The following PTBP2 variants were observed in gnomAD, a reference collection of about 807,000 sequenced individuals.
PTBP2 encodes polypyrimidine tract-binding protein 2.
Under a neutral mutation model 61.4 loss-of-function variants are expected in PTBP2, and 13 were observed. The ratio of observed to expected loss-of-function variants is 0.21; its 90% CI spans 0.14 to 0.34. The LOEUF (loss-of-function observed/expected upper bound fraction) is 0.34. PTBP2 is among the 10% of genes least tolerant of loss of function. PTBP2 has a pLI of 1.00. For missense variants in PTBP2, 405 were observed against 642.6 expected (o/e 0.63, Z 4.00); for synonymous variants, 215 against 218.5 (o/e 0.98, Z 0.14).
intron 2 of PTBP2, among the ~76,000 whole-genome samples, chr1:96,742,835 GTCTC>G (rs772401492): frequency 3.5e-4 from 53 of 151,990 alleles, no homozygotes; most frequent in Non-Finnish European, 5.7e-4. Context: ...CAGAATGTGT[GTCTC>G]TCTATTAAAT....
intron 2 of PTBP2, among the ~76,000 whole-genome samples, chr1:96,740,831 A>C (rs895176358): frequency 1.3e-5 from 2 of 151,944 alleles, no homozygotes; most frequent in African/African-American, 4.8e-5. Flanking sequence ...TGATATATGA[A>C]TATATCATCT....
At chr1:96,728,815 A>ATT (rs368839720) in intron 2 of PTBP2, among the ~76,000 whole-genome samples, 35 of 110,188 alleles carry the variant, frequency 3.2e-4, no homozygotes, top group African/African-American at 8.5e-4. Flanking sequence ...TTCTTTAAGC[A>ATT]TTTTTTTTTT....
In PTBP2 at chr1:96,804,771, T is replaced by C. The variant is rs1326760769; in HGVS notation, c.905-29T>C. The C allele has an allele frequency of 1.9e-6, 3 of 1,580,526 alleles. No individual in the cohort carries two copies. In the South Asian group the frequency reaches 3.4e-5, roughly 18 times the overall value. Reference sequence around the variant, plus strand: ...TGTGTGTGTTTCGTAAAATATGCTTTATTTTAAAATTAGGGCTTCCTGTTG... The same window carrying C: ...TGTGTGTGTTTCGTAAAATATGCTTCATTTTAAAATTAGGGCTTCCTGTTG... On this transcript the variant is annotated intron_variant, in intron 8 of 13. Transcript: ENST00000674951.
chr1:96,762,435 G>C (rs1218044039), intron 3 of PTBP2, among the ~76,000 whole-genome samples: 8 of 145,804 alleles, frequency 5.5e-5, no homozygotes, highest in Non-Finnish European at 1.1e-4. Context: ...GCAGCTGGCC[G>C]GGCGGGGGGC....
Position 96,749,404 on chromosome 1 carries a change from G to A in PTBP2, c.40-2021G>A, listed in dbSNP as rs144901068. Among the ~76,000 whole-genome samples the A allele has an allele frequency of 3.8e-3, 581 of 152,222 alleles. 4 individuals are homozygous for A. The highest frequency in any genetic ancestry group is 0.014 in the African/African-American group (569 of 41,552). ...AAGTATATTTTTGAAAACTAGGAGA[G>A]TTAAAGTGTTTTTGTGAACTAAGGA... On this transcript the variant is annotated intron_variant, in intron 2 of 13. Transcript: ENST00000674951.
intron 8 of PTBP2, 84 bp from the exon 9 acceptor site, chr1:96,804,716 T>A (rs1453043772): frequency 4.4e-6 from 6 of 1,348,472 alleles, no homozygotes; most frequent in Non-Finnish European, 6.1e-6. Flanking sequence ...CATGCAGCCA[T>A]CGTGCTTAAA....
At chr1:96,816,934 T>C (rs1329532383), downstream of PTBP2, 1 of 152,152 alleles carries the variant, frequency 6.6e-6, no homozygotes, top group Non-Finnish European at 1.5e-5. Flanking sequence ...ATACATGTTA[T>C]CCTAATATGT....
At chr1:96,818,820 T>C (rs1316785155), downstream of PTBP2, 1 of 152,068 alleles carries the variant, frequency 6.6e-6, no homozygotes, top group Non-Finnish European at 1.5e-5. Context: ...TTTAACCAGC[T>C]GTTTTAAAGA....
At chr1:96,795,621 TTAG>T (rs1377742342) in intron 8 of PTBP2, among the ~76,000 whole-genome samples, 5 of 152,228 alleles carry the variant, frequency 3.3e-5, no homozygotes, top group African/African-American at 7.2e-5. Context: ...AGGATTAAAA[TTAG>T]TAGTGATCAT....
At chr1:96,812,409 G>A (rs1662172142) in intron 11 of PTBP2, among the ~76,000 whole-genome samples, 2 of 152,122 alleles carry the variant, frequency 1.3e-5, no homozygotes, top group Non-Finnish European at 1.5e-5. Flanking sequence ...AAAAGAGCTA[G>A]GGATGCTTAT....
At position 96,774,276 on chromosome 1, in the gene PTBP2, C is replaced by T. The variant is rs78364113; in HGVS notation, c.433-3309C>T. 6.9e-3 allele frequency among the ~76,000 whole-genome samples: 1,051 copies of T among 152,084 alleles called. 38 individuals are homozygous for T. The highest frequency in any genetic ancestry group is 0.06 in the East Asian group (310 of 5,160). ...GACTTTCTGTTCGTCTGTTTTTCACCCACTCCCTCCTCCTGTGAACCTGCC... is the reference window on the plus strand; with the variant it reads ...GACTTTCTGTTCGTCTGTTTTTCACTCACTCCCTCCTCCTGTGAACCTGCC... On this transcript the variant is annotated intron_variant, in intron 5 of 13. Transcript: ENST00000674951.
In PTBP2 at chr1:96,813,510, T is replaced by C; in HGVS notation, c.*105T>C. Reference sequence around the variant, plus strand: ...AGAGTTTGATTTTTTTTGTTTTTGTTTTTTTGGGGTTTCTTTTTTTTTTCC... The same window carrying C: ...AGAGTTTGATTTTTTTTGTTTTTGTCTTTTTGGGGTTTCTTTTTTTTTTCC... On this transcript the variant is annotated 3_prime_UTR_variant, in exon 14 of 14. Transcript: ENST00000674951. 4.3e-6 allele frequency: 5 copies of C among 1,170,166 alleles called. No individual in the cohort carries two copies. The highest frequency in any genetic ancestry group is 4.6e-6 in the Non-Finnish European group (4 of 871,668). 72.5% of individuals were successfully genotyped at this position (1,170,166 alleles called of 1,614,324 possible).
intron 8 of PTBP2, among the ~76,000 whole-genome samples, chr1:96,790,996 T>C (rs939920020): frequency 7.1e-6 from 1 of 141,002 alleles, no homozygotes; most frequent in African/African-American, 2.7e-5. Context: ...ATAAATCACT[T>C]TTCTCGTATA....
At chr1:96,759,113 AAC>A (rs1209547399) in intron 3 of PTBP2, among the ~76,000 whole-genome samples, 1 of 152,200 alleles carries the variant, frequency 6.6e-6, no homozygotes, top group Non-Finnish European at 1.5e-5. Context: ...ACCAATATGA[AAC>A]ACTGCTAAGA....
In PTBP2 at chr1:96,722,874, T is replaced by C. The variant is rs1649813105; in HGVS notation, c.9-690T>C. On this transcript the variant is annotated intron_variant, in intron 1 of 13. Transcript: ENST00000674951. ...TCACACCTGAAAAGACTCAGTAATT[T>C]AACTCAATGTTAGAAAGGGGGCACG... Among the ~76,000 whole-genome samples, 2 of 152,214 alleles carry C rather than the reference T, an allele frequency of 1.3e-5. 1 individual carries two copies. The highest frequency in any genetic ancestry group is 4.1e-4 in the South Asian group (2 of 4,832).
At chr1:96,761,731 TTTG>T (rs913843020) in intron 3 of PTBP2, among the ~76,000 whole-genome samples, 12 of 139,654 alleles carry the variant, frequency 8.6e-5, no homozygotes, top group African/African-American at 4.0e-4. Flanking sequence ...TCTGTTTTTT[TTTG>T]TTTGTTTTTT....
At chr1:96,742,689 G>A (rs1216113822) in intron 2 of PTBP2, among the ~76,000 whole-genome samples, 2 of 140,718 alleles carry the variant, frequency 1.4e-5, no homozygotes, top group African/African-American at 5.3e-5. Context: ...TACTTTTAGA[G>A]TTCTCTTTTT....
rs1652527334 is a variant in PTBP2, at chr1:96,738,403, A to G, written c.40-13022A>G. 2.0e-5 allele frequency among the ~76,000 whole-genome samples: 3 copies of G among 152,164 alleles called. No homozygotes were observed. The South Asian group carries it at 6.2e-4, about 32-fold the overall frequency. ...ATTCTCCTGCCTCAGCCTCCCGAGT[A>G]GCTGGGACTGCAGGTGCCTGCCACC... On this transcript the variant is annotated intron_variant, in intron 2 of 13. Coordinates refer to ENST00000674951, the MANE Select transcript of PTBP2 (RefSeq NM_021190.4).
At chr1:96,736,236 A>G (rs368647398) in intron 2 of PTBP2, among the ~76,000 whole-genome samples, 4 of 152,360 alleles carry the variant, frequency 2.6e-5, no homozygotes, top group African/African-American at 7.2e-5. Flanking sequence ...TACTTCAGGA[A>G]GAAAGCCAAT....
Sources: gnomAD v4.1 joint callset for allele counts (sites outside exome capture counted in the v4.1 genomes callset) on GRCh38, gnomAD v4.1.1 for gene constraint, MANE v1.5 for transcripts, NCBI Gene and HGNC (gene_info 2026-07-23, HGNC 2026-07-21) for gene names.